MRNIP: variants seen among roughly 807,000 people sequenced by gnomAD.
MRNIP encodes the protein MRN complex interacting protein.
In MRNIP, 30 loss-of-function variants were observed where a neutral mutation model predicts 29.8. The ratio of observed to expected loss-of-function variants is 1.01; its 90% CI spans 0.75 to 1.36. The LOEUF (loss-of-function observed/expected upper bound fraction) is 1.36, where lower values mean the gene tolerates loss of function less well. MRNIP is among the 40% of genes most tolerant of loss of function. The pLI is 0.00. For synonymous variants in MRNIP, 201 were observed against 164.1 expected, an observed-to-expected ratio of 1.23 and a Z score of -1.72; for missense variants, 459 against 423.5, an observed-to-expected ratio of 1.08 and a Z score of -0.74.
intron 6 of MRNIP, 110 bp downstream of exon 6, chr5:179,840,762 G>C: frequency 2.4e-6 from 2 of 835,084 alleles, no homozygotes; most frequent in Admixed American, 4.2e-5. Flanking sequence ...TGGGAAGATG[G>C]GCTTTCTGCG....
intron 2 of MRNIP, chr5:179,851,272 C>T: frequency 2.2e-6 from 1 of 456,048 alleles, no homozygotes. Flanking sequence ...CTTCTGAGAC[C>T]CAATCCCAGT....
At chr5:179,853,183 T>C in intron 2 of MRNIP, 195 bp downstream of exon 2, 3 of 1,508,216 alleles carry the variant, frequency 2.0e-6, no homozygotes, top group Non-Finnish European at 2.7e-6. Context: ...GAATGAAGAA[T>C]CAAATGGCAG....
chr5:179,851,932 G>C (rs1050485313), intron 2 of MRNIP, among the ~76,000 whole-genome samples: 1 of 151,508 alleles, frequency 6.6e-6, no homozygotes, highest in Non-Finnish European at 1.5e-5. Flanking sequence ...GAGCGAGATC[G>C]CACCACTGCA....
chr5:179,852,282 T>G (rs1759405677), intron 2 of MRNIP, among the ~76,000 whole-genome samples: 1 of 148,976 alleles, frequency 6.7e-6, no homozygotes, highest in Non-Finnish European at 1.5e-5. Context: ...AGAGACTCCA[T>G]GTCAAAAAAA....
chr5:179,841,746 G>C (rs566079125), intron 5 of MRNIP, 161 bp downstream of exon 5: 1 of 739,208 alleles, frequency 1.4e-6, no homozygotes, highest in Admixed American at 2.7e-5. Context: ...CAGGTGGGCT[G>C]TGGGGCCAGC....
chr5:179,853,496 G>A (rs1378522515), intron 1 of MRNIP, 59 bp from the exon 2 acceptor site: 3 of 1,424,266 alleles, frequency 2.1e-6, no homozygotes, highest in Non-Finnish European at 2.9e-6. Context: ...ATGGAATTGG[G>A]CTGGACTCGG....
At position 179,837,557 on chromosome 5, in the gene MRNIP, G is replaced by A. The variant is rs1289693891; in HGVS notation, c.866C>T (p.Thr289Ile). Residue 289 changes from threonine to isoleucine, a missense_variant, in exon 7 of 7, where the codon ACA (threonine) becomes ATA (isoleucine). Coordinates refer to ENST00000292586, the MANE Select transcript of MRNIP (RefSeq NM_016175.4). Reference protein sequence around the residue: ...PTAAVQLPRATHPVTSGSERP... With the variant: ...PTAAVQLPRAIHPVTSGSERP... ...CTCAGACCCAGATGTGACGGGGTGT[G>A]TGGCCCGAGGAAGCTGGACAGCGGC... is the stretch of plus-strand genomic sequence containing the variant. 1.2e-6 allele frequency: 2 copies of A among 1,614,130 alleles called. No homozygotes were observed. The highest frequency in any genetic ancestry group is 2.7e-5 in the African/African-American group (2 of 74,954).
At position 179,858,728 on chromosome 5, in the gene MRNIP, G is replaced by A. The variant is rs540038182; in HGVS notation, c.66+3C>T. 1 of 1,516,766 alleles carries A rather than the reference G, an allele frequency of 6.6e-7. No individual in the cohort carries two copies. Among genetic ancestry groups the A allele is most frequent in the East Asian group, 2.6e-5 (1 of 38,842 alleles). 94.0% of individuals were successfully genotyped at this position (1,516,766 alleles called of 1,614,324 possible). Reference sequence around the variant, plus strand: ...AGGAGGAGGGGGCTGGCACCCGCCAGACCTGGTGCGCCTGGAAGAGGCGGC... The same window carrying A: ...AGGAGGAGGGGGCTGGCACCCGCCAAACCTGGTGCGCCTGGAAGAGGCGGC... On this transcript the variant is annotated splice_donor_region_variant and intron_variant, in intron 1 of 6. Transcript: ENST00000292586.
rs1340235413 is a variant in MRNIP, at chr5:179,854,538, G to A, written c.67-1101C>T. ...AGTGGCTTGAGCCTGTAGTCTCAGC[G>A]ACGAGGGAGGCCAAGACTACTCGAG... On this transcript the variant is annotated intron_variant, in intron 1 of 6. Transcript: ENST00000292586. Among the ~76,000 whole-genome samples, 9 of 152,244 alleles carry A rather than the reference G, an allele frequency of 5.9e-5. No individual in the cohort carries two copies. In the South Asian group the frequency reaches 1.0e-3, roughly 18 times the overall value.
chr5:179,855,942 T>C (rs1433692395), intron 1 of MRNIP, among the ~76,000 whole-genome samples: 1 of 141,006 alleles, frequency 7.1e-6, no homozygotes, highest in East Asian at 2.1e-4. Flanking sequence ...AGAGTCTGGC[T>C]CTGTTGCCCA....
intron 6 of MRNIP, chr5:179,838,115 C>CA (rs1758695473): frequency 5.1e-6 from 3 of 587,756 alleles, no homozygotes; most frequent in Non-Finnish European, 9.1e-6. Context: ...TTTCCAAAAA[C>CA]AAGACATTCT....
At position 179,837,688 on chromosome 5, in the gene MRNIP, C is replaced by T. The variant is rs1174860661; in HGVS notation, c.735G>A (p.Glu245=). The part of the protein sequence containing the change: ...PPRKSSHVDS[E]QPRSLQRDPR... ...GGTCCCTCTGAAGAGACCTTGGCTG[C>T]TCACTGTCCACATGTGAACTTTTTC... The change falls in exon 7 of 7, where the codon GAG becomes GAA. Residue 245 remains glutamate (E), a synonymous_variant. Transcript: ENST00000292586. 6.2e-7 allele frequency: 1 copy of T among 1,614,258 alleles called. No homozygotes were observed. Among genetic ancestry groups the T allele is most frequent in the Non-Finnish European group, 8.5e-7 (1 of 1,180,048 alleles).
chr5:179,853,775 A>G (rs74583177), intron 1 of MRNIP, among the ~76,000 whole-genome samples: 7 of 151,914 alleles, frequency 4.6e-5, no homozygotes, highest in Non-Finnish European at 8.8e-5. Flanking sequence ...CCATCTCAAA[A>G]AAACAAACAA....
At chr5:179,842,979 G>A (rs1758959458) in intron 4 of MRNIP, among the ~76,000 whole-genome samples, 1 of 147,182 alleles carries the variant, frequency 6.8e-6, no homozygotes, top group South Asian at 2.1e-4. Flanking sequence ...GTTGCAGTGA[G>A]CTGAGATCAC....
chr5:179,848,477 A>AT (rs1230603728), intron 2 of MRNIP, among the ~76,000 whole-genome samples: 2 of 152,138 alleles, frequency 1.3e-5, no homozygotes, highest in African/African-American at 4.8e-5. Flanking sequence ...AATAAAATAC[A>AT]TTTTTTCCCA....
chr5:179,849,455 A>G, intron 2 of MRNIP, among the ~76,000 whole-genome samples: 1 of 149,188 alleles, frequency 6.7e-6, no homozygotes, highest in East Asian at 2.0e-4. Flanking sequence ...TACGAGACGG[A>G]ATTTGAGAGC....
chr5:179,844,416 A>ATT, intron 3 of MRNIP, 189 bp from the exon 4 acceptor site: 1 of 508,454 alleles, frequency 2.0e-6, no homozygotes, highest in East Asian at 3.8e-5. Flanking sequence ...GCTGAGGCAG[A>ATT]TAATGTTTGA....
At chr5:179,842,128 C>T (rs909531444) in intron 4 of MRNIP, 64 bp from the exon 5 acceptor site, 2 of 1,513,420 alleles carry the variant, frequency 1.3e-6, no homozygotes, top group African/African-American at 1.4e-5. Flanking sequence ...TCGAAAACCC[C>T]TAGCCCAACT....
chr5:179,842,524 A>C (rs836348), intron 4 of MRNIP, among the ~76,000 whole-genome samples: 11,051 of 147,862 alleles, frequency 0.075, 453 homozygotes, highest in Middle Eastern at 0.14. Context: ...ACTAAAAAAA[A>C]AACAACAACA....
Sources: gnomAD v4.1 joint callset for allele counts (sites outside exome capture counted in the v4.1 genomes callset) on GRCh38, gnomAD v4.1.1 for gene constraint, MANE v1.5 for transcripts, NCBI Gene and HGNC (gene_info 2026-07-23, HGNC 2026-07-21) for gene names.